PPFIBP2: variants seen among roughly 807,000 people sequenced by gnomAD.
PPFIBP2 encodes the protein liprin-beta-2.
A neutral mutation model predicts 118.3 loss-of-function variants in PPFIBP2; 118 were observed. The observed-to-expected ratio is 1.00, with a 90% CI of 0.86 to 1.16. PPFIBP2 has a LOEUF of 1.16. Among genes scored for constraint, PPFIBP2 ranks in the 50% most tolerant of loss-of-function variants. The pLI is 0.00. For synonymous variants in PPFIBP2, 414 were observed against 397.4 expected, an observed-to-expected ratio of 1.04 and a Z score of -0.50; for missense variants, 1,195 against 1,073.1, an observed-to-expected ratio of 1.11 and a Z score of -1.59.
intron 1 of PPFIBP2, among the ~76,000 whole-genome samples, chr11:7,537,341 C>A (rs952145238): frequency 6.6e-6 from 1 of 151,986 alleles, no homozygotes; most frequent in Non-Finnish European, 1.5e-5. Flanking sequence ...ACTTTTTTTC[C>A]CCCCCACAGA....
intron 17 of PPFIBP2, among the ~76,000 whole-genome samples, chr11:7,645,017 A>G (rs1380529786): frequency 9.4e-6 from 1 of 106,948 alleles, no homozygotes; most frequent in African/African-American, 4.0e-5. Flanking sequence ...ACAGAGCAAG[A>G]CTCCGTCTCA....
At chr11:7,665,343 G>A in the PPFIBP2 span, 2 of 1,468,024 alleles carry the variant, frequency 1.4e-6, no homozygotes, top group Non-Finnish European at 1.8e-6. Flanking sequence ...GATGAAAAGG[G>A]ACATGCAAAA....
At chr11:7,605,960 T>A (rs1565044055) in intron 5 of PPFIBP2, 4 of 1,534,014 alleles carry the variant, frequency 2.6e-6, no homozygotes, top group Non-Finnish European at 3.5e-6. Context: ...GGATACTGAA[T>A]GGGAAAGTTA....
intron 3 of PPFIBP2, among the ~76,000 whole-genome samples, chr11:7,578,969 G>A (rs944786851): frequency 1.3e-5 from 2 of 152,034 alleles, no homozygotes; most frequent in African/African-American, 4.8e-5. Context: ...GACAGTGAAG[G>A]CCACGGTAAG....
chr11:7,597,391 G>C (rs1860538135), intron 4 of PPFIBP2, 169 bp from the exon 5 acceptor site: 1 of 1,537,544 alleles, frequency 6.5e-7, no homozygotes, highest in Non-Finnish European at 8.7e-7. Context: ...TCTAACTGCA[G>C]CTGCCTTCGT....
At chr11:7,563,271 A>G (rs1251963451) in intron 2 of PPFIBP2, among the ~76,000 whole-genome samples, 5 of 152,104 alleles carry the variant, frequency 3.3e-5, no homozygotes, top group African/African-American at 1.2e-4. Flanking sequence ...ATTACTTAGC[A>G]ATGGTTTGGA....
At chr11:7,650,757 T>A in intron 21 of PPFIBP2, 83 bp from the exon 22 acceptor site, 1 of 1,482,450 alleles carries the variant, frequency 6.7e-7, no homozygotes, top group Non-Finnish European at 9.2e-7. Flanking sequence ...TGGGGCAGGG[T>A]TACTTACCGG....
intron 14 of PPFIBP2, among the ~76,000 whole-genome samples, chr11:7,637,628 C>T (rs1402511637): frequency 6.6e-6 from 1 of 152,194 alleles, no homozygotes; most frequent in Non-Finnish European, 1.5e-5. Flanking sequence ...GCTTCTGTTC[C>T]CCTACAGCCA....
intron 1 of PPFIBP2, among the ~76,000 whole-genome samples, chr11:7,515,352 T>G (rs1279285469): frequency 6.6e-6 from 1 of 152,364 alleles, no homozygotes; most frequent in Middle Eastern, 3.4e-3. Context: ...ACTGGAGAGA[T>G]AAGCTGCTTA....
At chr11:7,627,038 C>T (rs1301605496) in intron 8 of PPFIBP2, among the ~76,000 whole-genome samples, 3 of 152,254 alleles carry the variant, frequency 2.0e-5, no homozygotes, top group African/African-American at 7.2e-5. Flanking sequence ...TGGACTATCT[C>T]TGATGCTAAG....
intron 1 of PPFIBP2, among the ~76,000 whole-genome samples, chr11:7,539,009 A>G (rs1226480727): frequency 6.6e-6 from 1 of 152,210 alleles, no homozygotes; most frequent in African/African-American, 2.4e-5. Flanking sequence ...GGAGTTACTG[A>G]TACTATGATT....
At chr11:7,569,335 C>G (rs1326011201) in intron 3 of PPFIBP2, among the ~76,000 whole-genome samples, 1 of 152,218 alleles carries the variant, frequency 6.6e-6, no homozygotes, top group East Asian at 1.9e-4. Flanking sequence ...GCGACTAGTT[C>G]TAAAGCCCAA....
chr11:7,647,293 A>G (rs10839830), intron 17 of PPFIBP2, among the ~76,000 whole-genome samples: 52,798 of 152,068 alleles, frequency 0.35, 11,661 homozygotes, highest in Non-Finnish European at 0.48. Flanking sequence ...AATCCCCCCT[A>G]AAAAAATGAC....
chr11:7,585,003 G>A (rs1857878129), intron 3 of PPFIBP2, among the ~76,000 whole-genome samples: 1 of 152,096 alleles, frequency 6.6e-6, no homozygotes, highest in Non-Finnish European at 1.5e-5. Context: ...CATCTAAATG[G>A]CTAAATAAGG....
intron 1 of PPFIBP2, among the ~76,000 whole-genome samples, chr11:7,515,756 G>A (rs1041135131): frequency 6.6e-5 from 10 of 152,188 alleles, no homozygotes; most frequent in African/African-American, 2.2e-4. Context: ...GGCACAGCAG[G>A]GGACTGACTG....
At chr11:7,634,453 C>A in intron 12 of PPFIBP2, 42 bp from the exon 13 acceptor site, 1 of 1,437,624 alleles carries the variant, frequency 7.0e-7, no homozygotes, top group Non-Finnish European at 9.8e-7. Context: ...ATAACATGTA[C>A]CTCCTTCTCA....
rs560528204 is a variant in PPFIBP2, at chr11:7,546,298, G to A, written c.-36-3142G>A. On this transcript the variant is annotated intron_variant, in intron 1 of 23. Transcript: ENST00000299492. Reference sequence around the variant, plus strand: ...TGTTTTGTATTTGAATTTTCAGGAAGAGGAAAATAGGCTGGCAAAAAGAGT... The same window carrying A: ...TGTTTTGTATTTGAATTTTCAGGAAAAGGAAAATAGGCTGGCAAAAAGAGT... 3.7e-4 allele frequency among the ~76,000 whole-genome samples: 57 copies of A among 152,234 alleles called. 1 individual carries two copies. Among genetic ancestry groups the A allele is most frequent in the Non-Finnish European group, 3.1e-4 (21 of 68,048 alleles).
intron 16 of PPFIBP2, 116 bp from the exon 17 acceptor site, chr11:7,642,182 G>C: frequency 1.6e-6 from 2 of 1,229,108 alleles, no homozygotes; most frequent in South Asian, 1.4e-5. Context: ...GTACGGAGAA[G>C]CAGTGCTGCC....
At chr11:7,514,993 C>A (rs1460805233) in intron 1 of PPFIBP2, among the ~76,000 whole-genome samples, 5 of 152,156 alleles carry the variant, frequency 3.3e-5, no homozygotes, top group African/African-American at 1.2e-4. Flanking sequence ...TAATACAAAT[C>A]TGAAGTGTTT....
Sources: allele counts gnomAD v4.1 joint callset (sites outside exome capture counted in the v4.1 genomes callset), GRCh38; gene constraint gnomAD v4.1.1; transcripts MANE v1.5; gene names NCBI Gene and HGNC (gene_info 2026-07-23, HGNC 2026-07-21).